EDIL3: variants seen among roughly 807,000 people sequenced by gnomAD.
EDIL3 encodes EGF-like repeat and discoidin I-like domain-containing protein 3.
In EDIL3, 37 loss-of-function variants were observed where a neutral mutation model predicts 67.4. That is an observed-to-expected ratio of 0.55 (90% CI 0.42 to 0.72). The LOEUF (loss-of-function observed/expected upper bound fraction) is 0.72, where lower values mean the gene tolerates loss of function less well. EDIL3 is among the 30% of genes least tolerant of loss of function. The probability of loss-of-function intolerance (pLI) is 0.00; values close to 1 mark genes in which losing one functional copy is unlikely to be tolerated. For synonymous variants in EDIL3, 195 were observed against 196.3 expected (o/e 0.99, Z 0.05); for missense variants, 527 against 586.3 (o/e 0.90, Z 1.04).
intron 1 of EDIL3, among the ~76,000 whole-genome samples, chr5:84,291,737 T>C (rs1018368248): frequency 1.0e-4 from 15 of 146,620 alleles, no homozygotes; most frequent in African/African-American, 3.5e-4. Flanking sequence ...TATAGATCTA[T>C]CTATATAGAT....
intron 3 of EDIL3, among the ~76,000 whole-genome samples, chr5:84,198,476 A>G (rs191192975): frequency 1.3e-5 from 2 of 152,216 alleles, no homozygotes; most frequent in Admixed American, 6.5e-5. Flanking sequence ...TCTTGTGTAT[A>G]TATTTATAAC....
chr5:84,374,077 C>T (rs1747914605), intron 1 of EDIL3, among the ~76,000 whole-genome samples: 1 of 151,904 alleles, frequency 6.6e-6, no homozygotes, highest in African/African-American at 2.4e-5. Context: ...TAATGGGCTC[C>T]AAAGGGGAAA....
chr5:84,043,695 T>A (rs994046755), intron 9 of EDIL3, among the ~76,000 whole-genome samples: 8 of 152,106 alleles, frequency 5.3e-5, no homozygotes, highest in Non-Finnish European at 1.2e-4. Context: ...ATTTTTCATG[T>A]TTTGAGACAG....
intron 9 of EDIL3, among the ~76,000 whole-genome samples, chr5:83,976,250 T>C (rs572305334): frequency 1.3e-5 from 2 of 152,020 alleles, no homozygotes; most frequent in African/African-American, 2.4e-5. Context: ...AGTTGTCATG[T>C]TGACAATATG....
intron 1 of EDIL3, among the ~76,000 whole-genome samples, chr5:84,304,875 T>C (rs2112134689): frequency 6.6e-6 from 1 of 152,322 alleles, no homozygotes; most frequent in African/African-American, 2.4e-5. Context: ...TTATATGTGA[T>C]GGCAATGCTT....
intron 1 of EDIL3, among the ~76,000 whole-genome samples, chr5:84,280,912 T>G (rs1344223273): frequency 7.8e-6 from 1 of 127,412 alleles, no homozygotes; most frequent in Non-Finnish European, 1.5e-5. Flanking sequence ...GATCACCCCC[T>G]GCACTCCAGC....
At chr5:84,321,804 G>A (rs1269540729) in intron 1 of EDIL3, among the ~76,000 whole-genome samples, 3 of 152,082 alleles carry the variant, frequency 2.0e-5, no homozygotes, top group African/African-American at 7.2e-5. Flanking sequence ...TTGAGACGAA[G>A]TGACTTTCAG....
At chr5:84,351,186 A>G (rs763657252) in intron 1 of EDIL3, among the ~76,000 whole-genome samples, 1 of 152,068 alleles carries the variant, frequency 6.6e-6, no homozygotes, top group Non-Finnish European at 1.5e-5. Context: ...TTTCCAGGAA[A>G]CTGTATGCTC....
intron 6 of EDIL3, among the ~76,000 whole-genome samples, chr5:84,085,263 G>A (rs1453183538): frequency 6.6e-6 from 1 of 152,166 alleles, no homozygotes; most frequent in Non-Finnish European, 1.5e-5. Flanking sequence ...AGGCATTCTG[G>A]CTTTTGAAAT....
At chr5:84,318,002 ATTCCT>A (rs2112151745) in intron 1 of EDIL3, among the ~76,000 whole-genome samples, 1 of 152,344 alleles carries the variant, frequency 6.6e-6, no homozygotes, top group Non-Finnish European at 1.5e-5. Context: ...AACCACAGAC[ATTCCT>A]ATACAGCAAT....
At chr5:84,027,584 T>C (rs1357400267) in intron 9 of EDIL3, among the ~76,000 whole-genome samples, 1 of 150,136 alleles carries the variant, frequency 6.7e-6, no homozygotes, top group East Asian at 2.0e-4. Flanking sequence ...TTATTAAGTG[T>C]AAAATTCTTA....
At chr5:84,165,854 T>A (rs1748694514) in intron 4 of EDIL3, among the ~76,000 whole-genome samples, 1 of 152,172 alleles carries the variant, frequency 6.6e-6, no homozygotes, top group Non-Finnish European at 1.5e-5. Flanking sequence ...TTCCTTCTAC[T>A]GTATATTTGT....
chr5:83,963,016 G>C (rs1043108162), intron 10 of EDIL3, among the ~76,000 whole-genome samples, 189 bp downstream of exon 10: 2 of 151,390 alleles, frequency 1.3e-5, no homozygotes, highest in African/African-American at 4.8e-5. Context: ...TTTCCTCTAG[G>C]TTGCACCATT....
intron 3 of EDIL3, 47 bp downstream of exon 3, chr5:84,229,808 A>T: frequency 6.4e-7 from 1 of 1,564,388 alleles, no homozygotes; most frequent in Non-Finnish European, 8.7e-7. Flanking sequence ...CTATTATTAA[A>T]GGCATGACAT....
intron 6 of EDIL3, among the ~76,000 whole-genome samples, chr5:84,073,085 A>G (rs1420439152): frequency 2.6e-5 from 4 of 152,200 alleles, no homozygotes; most frequent in Admixed American, 2.6e-4. Context: ...AACAGAACCA[A>G]AGACAAAAAC....
At chr5:84,354,013 A>C (rs995720775) in intron 1 of EDIL3, among the ~76,000 whole-genome samples, 2 of 152,320 alleles carry the variant, frequency 1.3e-5, no homozygotes, top group African/African-American at 4.8e-5. Context: ...TTTTGCCTCC[A>C]TGAGAAACTT....
chr5:84,205,217 A>C (rs942028897), intron 3 of EDIL3, among the ~76,000 whole-genome samples: 2 of 152,096 alleles, frequency 1.3e-5, no homozygotes, highest in African/African-American at 4.8e-5. Flanking sequence ...TGCCAGGCTA[A>C]AATAAATAGT....
At chr5:84,370,814 A>G (rs977955146) in intron 1 of EDIL3, among the ~76,000 whole-genome samples, 6 of 152,188 alleles carry the variant, frequency 3.9e-5, no homozygotes, top group African/African-American at 1.4e-4. Context: ...TCAATGCATC[A>G]GTGCATCAAG....
chr5:84,336,331 A>G (rs1203265853), intron 1 of EDIL3, among the ~76,000 whole-genome samples: 1 of 152,196 alleles, frequency 6.6e-6, no homozygotes, highest in African/African-American at 2.4e-5. Flanking sequence ...GGTCATGAGA[A>G]GCCTTGCAAG....
Sources: gnomAD v4.1 joint callset for allele counts (sites outside exome capture counted in the v4.1 genomes callset) on GRCh38, gnomAD v4.1.1 for gene constraint, MANE v1.5 for transcripts, NCBI Gene and HGNC (gene_info 2026-07-23, HGNC 2026-07-21) for gene names.